MAP2K1: variants seen among roughly 807,000 people sequenced by gnomAD.
MAP2K1 encodes the protein dual specificity mitogen-activated protein kinase kinase 1.
MAP2K1 carries 16 observed loss-of-function variants against 46.3 expected under a neutral mutation model. The observed-to-expected ratio is 0.35, with a 90% CI of 0.23 to 0.52. The LOEUF (loss-of-function observed/expected upper bound fraction) is 0.52, where lower values mean the gene tolerates loss of function less well. Ranked by LOEUF, MAP2K1 falls within the 20% of genes least tolerant of loss-of-function variation. The pLI is 0.94. For synonymous variants in MAP2K1, 183 were observed against 185.6 expected, an observed-to-expected ratio of 0.99 and a Z score of 0.11; for missense variants, 263 against 497.1, an observed-to-expected ratio of 0.53 and a Z score of 4.48.
intron 5 of MAP2K1, among the ~76,000 whole-genome samples, chr15:66,478,442 GTATATATATATACAGGTATA>G (rs869237987): frequency 0.057 from 7,939 of 138,378 alleles, 321 homozygotes; most frequent in Middle Eastern, 0.12. Context: ...ATACACACAG[GTATATATATATACAGGTATA>G]TATATATATA....
At position 66,389,606 on chromosome 15, in the gene MAP2K1, G is replaced by C. The variant is rs12324784; in HGVS notation, c.80+2179G>C. On this transcript the variant is annotated intron_variant, in intron 1 of 10. Transcript: ENST00000307102. ...TTTTTTTTTTTTTTTTGACAGTCTC[G>C]CTCTGTTGCCCAGGCCAGAGTGCAG... Among the ~76,000 whole-genome samples, 43 of 115,354 alleles carry C rather than the reference G, an allele frequency of 3.7e-4. 1 individual carries two copies. The highest frequency in any genetic ancestry group is 6.4e-4 in the Non-Finnish European group (39 of 61,016). The allele number at this position is 115,354 out of a possible 152,430, so 75.7% of individuals were successfully genotyped here.
Position 66,452,300 on chromosome 15 carries a change from A to AG in MAP2K1, c.568+7593_568+7594insG, listed in dbSNP as rs1555417523. Among the ~76,000 whole-genome samples the AG allele has an allele frequency of 1.0e-4, 5 of 48,366 alleles. 1 individual carries two copies. The highest frequency in any genetic ancestry group is 8.1e-5 in the Non-Finnish European group (2 of 24,786). The allele number at this position is 48,366 out of a possible 152,430, so 31.7% of individuals were successfully genotyped here. A position where few individuals can be genotyped will look rare whatever the true frequency, so the allele number is the denominator to read the frequency against. ...CTTAGAGTATAATAAAAAAAAAAAA[A>AG]AAAGAAAAAAAAAAGCTAAATATAG... On this transcript the variant is annotated intron_variant, in intron 5 of 10. Coordinates refer to ENST00000307102, the MANE Select transcript of MAP2K1 (RefSeq NM_002755.4).
chr15:66,455,658 A>C (rs1201520781), intron 5 of MAP2K1, among the ~76,000 whole-genome samples: 1 of 152,214 alleles, frequency 6.6e-6, no homozygotes, highest in Non-Finnish European at 1.5e-5. Flanking sequence ...TTGGTTGTAC[A>C]CATGGTAGTT....
At chr15:66,487,373 T>C in intron 8 of MAP2K1, 81 bp downstream of exon 8, 1 of 1,313,084 alleles carries the variant, frequency 7.6e-7, no homozygotes, top group South Asian at 1.2e-5. Context: ...GTGCAGTGGT[T>C]CACGCCTGTA....
intron 3 of MAP2K1, 59 bp from the exon 4 acceptor site, chr15:66,443,220 TA>T: frequency 8.7e-7 from 1 of 1,146,448 alleles, no homozygotes; most frequent in Non-Finnish European, 1.3e-6. Flanking sequence ...AGCCGAAAGT[TA>T]TCACTTGAAA....
chr15:66,449,139 G>A (rs1340541559), intron 5 of MAP2K1, among the ~76,000 whole-genome samples: 2 of 151,254 alleles, frequency 1.3e-5, no homozygotes, highest in Admixed American at 6.6e-5. Context: ...ATTTACCTAA[G>A]ATAAATGAAA....
At chr15:66,389,731 T>A (rs2093352539) in intron 1 of MAP2K1, among the ~76,000 whole-genome samples, 1 of 152,020 alleles carries the variant, frequency 6.6e-6, no homozygotes, top group East Asian at 1.9e-4. Flanking sequence ...CGTGCAACCG[T>A]GCCTGGCTAA....
intron 1 of MAP2K1, among the ~76,000 whole-genome samples, chr15:66,404,858 A>G (rs908064448): frequency 1.1e-4 from 17 of 152,270 alleles, no homozygotes; most frequent in Admixed American, 8.5e-4. Flanking sequence ...TCAGCTGAGG[A>G]CCTGGGAACA....
intron 1 of MAP2K1, among the ~76,000 whole-genome samples, chr15:66,428,266 TTGTGCGTGTGTG>T (rs1354340095): frequency 6.4e-5 from 8 of 124,876 alleles, no homozygotes; most frequent in Non-Finnish European, 3.4e-5. Flanking sequence ...CCAACAGCAG[TTGTGCGTGTGTG>T]TGTGTGTGTG....
chr15:66,467,790 AC>A (rs1198820271), intron 5 of MAP2K1, among the ~76,000 whole-genome samples: 1 of 152,180 alleles, frequency 6.6e-6, no homozygotes, highest in Non-Finnish European at 1.5e-5. Flanking sequence ...TGAACTTCTG[AC>A]CTCAAGTGAT....
intron 1 of MAP2K1, among the ~76,000 whole-genome samples, chr15:66,431,629 C>G (rs1194219754): frequency 2.0e-5 from 3 of 152,122 alleles, no homozygotes; most frequent in Non-Finnish European, 2.9e-5. Context: ...TTGACCCACC[C>G]CAGTGAATGA....
chr15:66,422,844 AC>A (rs1235398952), intron 1 of MAP2K1, among the ~76,000 whole-genome samples: 10 of 151,872 alleles, frequency 6.6e-5, no homozygotes, highest in Admixed American at 1.3e-4. Flanking sequence ...TTCATCCAAG[AC>A]CCCAACTACA....
intron 5 of MAP2K1, among the ~76,000 whole-genome samples, chr15:66,455,585 C>T (rs1440827720): frequency 2.6e-5 from 4 of 152,202 alleles, no homozygotes; most frequent in African/African-American, 9.6e-5. Flanking sequence ...GCCTCTTGAA[C>T]ATTTTTCAGT....
At chr15:66,394,606 C>T (rs567463544) in intron 1 of MAP2K1, among the ~76,000 whole-genome samples, 2 of 152,042 alleles carry the variant, frequency 1.3e-5, no homozygotes, top group African/African-American at 4.8e-5. Context: ...CCGGCATGTA[C>T]CACCATGCCT....
At chr15:66,440,257 C>A (rs2093500112) in intron 3 of MAP2K1, among the ~76,000 whole-genome samples, 1 of 152,046 alleles carries the variant, frequency 6.6e-6, no homozygotes, top group Non-Finnish European at 1.5e-5. Context: ...ATGCCTGGCT[C>A]ATTTTTGTGT....
intron 5 of MAP2K1, among the ~76,000 whole-genome samples, chr15:66,470,729 C>T (rs548482782): frequency 6.6e-6 from 1 of 152,264 alleles, no homozygotes; most frequent in African/African-American, 2.4e-5. Flanking sequence ...GGGGCACCTC[C>T]ACTCAGAATC....
At chr15:66,430,843 AT>A (rs2093473381) in intron 1 of MAP2K1, among the ~76,000 whole-genome samples, 1 of 152,182 alleles carries the variant, frequency 6.6e-6, no homozygotes, top group South Asian at 2.1e-4. Context: ...TGCCCATAGG[AT>A]TATCCTTTCC....
At chr15:66,416,730 A>G (rs1458161931) in intron 1 of MAP2K1, among the ~76,000 whole-genome samples, 1 of 152,222 alleles carries the variant, frequency 6.6e-6, no homozygotes, top group Non-Finnish European at 1.5e-5. Context: ...AACAAAGTAT[A>G]CACAAAGCTA....
intron 8 of MAP2K1, chr15:66,488,799 G>A (rs896885346): frequency 3.5e-5 from 8 of 227,794 alleles, no homozygotes; most frequent in Non-Finnish European, 6.1e-5. Context: ...GTTGCTGCCA[G>A]TAAATTGCTG....
Sources: gnomAD v4.1 joint callset for allele counts (sites outside exome capture counted in the v4.1 genomes callset) on GRCh38, gnomAD v4.1.1 for gene constraint, MANE v1.5 for transcripts, NCBI Gene and HGNC (gene_info 2026-07-23, HGNC 2026-07-21) for gene names.